ITGA9: variants seen among roughly 807,000 people sequenced by gnomAD.
ITGA9 encodes integrin alpha-9.
Under a neutral mutation model 127.8 loss-of-function variants are expected in ITGA9, and 56 were observed. The observed-to-expected ratio is 0.44, with a 90% confidence interval of 0.35 to 0.55. The LOEUF (loss-of-function observed/expected upper bound fraction) is 0.55, where lower values mean the gene tolerates loss of function less well. Ranked by LOEUF, ITGA9 falls within the 20% of genes least tolerant of loss-of-function variation. The pLI is 0.00. For synonymous variants in ITGA9, 508 were observed against 514.5 expected (o/e 0.99, Z 0.17); for missense variants, 1,196 against 1,347.1 (o/e 0.89, Z 1.76).
Position 37,653,717 on chromosome 3 carries a change from G to C in ITGA9, c.1843G>C (p.Val615Leu), listed in dbSNP as rs765049517. The C allele has an allele frequency of 5.0e-6, 8 of 1,612,972 alleles. No individual in the cohort carries two copies. Among genetic ancestry groups the C allele is most frequent in the Middle Eastern group, 1.7e-4 (1 of 6,058 alleles). ...GQKIAQKNQT[V>L]FERNCRSEDC... is the part of the protein sequence containing the mutation. ...TCCTCTCCTGTCTTTCTCACAGACT[G>C]TTTTTGAAAGGAATTGCCGTTCAGA... The change falls in exon 17 of 28, where the codon GTT becomes CTT. Residue 615 changes from valine (V) to leucine (L), a missense_variant. By Grantham distance (32) the Val-to-Leu change is conservative (BLOSUM62 1). Coordinates refer to ENST00000264741, the MANE Select transcript of ITGA9 (RefSeq NM_002207.3).
At chr3:37,663,359 G>A (rs541858445) in intron 17 of ITGA9, among the ~76,000 whole-genome samples, 24 of 152,140 alleles carry the variant, frequency 1.6e-4, no homozygotes, top group Non-Finnish European at 3.1e-4. Flanking sequence ...AGCCAACTCC[G>A]ATAAAATAAG....
At chr3:37,810,762 A>G (rs1010293063) in intron 27 of ITGA9, among the ~76,000 whole-genome samples, 17 of 152,354 alleles carry the variant, frequency 1.1e-4, no homozygotes, top group African/African-American at 3.6e-4. Flanking sequence ...TAGGAAAATC[A>G]GCTTCAGCAA....
chr3:37,667,053 A>G (rs1700592680), intron 17 of ITGA9, among the ~76,000 whole-genome samples: 1 of 152,024 alleles, frequency 6.6e-6, no homozygotes, highest in Non-Finnish European at 1.5e-5. Flanking sequence ...GGCAGCTGAA[A>G]GTCAGCAAAA....
chr3:37,705,909 G>A (rs980731100), intron 18 of ITGA9, among the ~76,000 whole-genome samples: 1 of 152,162 alleles, frequency 6.6e-6, no homozygotes, highest in Admixed American at 6.5e-5. Flanking sequence ...CCTCCCATTT[G>A]TTCATCTGGA....
intron 20 of ITGA9, among the ~76,000 whole-genome samples, chr3:37,738,618 G>A (rs1353507943): frequency 2.0e-5 from 3 of 152,192 alleles, no homozygotes; most frequent in Admixed American, 6.5e-5. Context: ...TTTGATAAGG[G>A]GCGGCAGATG....
At chr3:37,783,138 CA>C (rs760956262) in intron 25 of ITGA9, among the ~76,000 whole-genome samples, 153 of 140,578 alleles carry the variant, frequency 1.1e-3, no homozygotes, top group African/African-American at 2.0e-3. Context: ...GACTCTGTCT[CA>C]AAAAAAAAAA....
Position 37,794,566 on chromosome 3 carries a change from G to A in ITGA9, c.2890-9257G>A, listed in dbSNP as rs555183752. On this transcript the variant is annotated intron_variant, in intron 26 of 27. Coordinates refer to ENST00000264741, the MANE Select transcript of ITGA9 (RefSeq NM_002207.3). ...GTCAAGGGGAGAATGAAGACTCCTC[G>A]GGATTCTCCATCGCTTGAGGTAAAT... Among the ~76,000 whole-genome samples the A allele has an allele frequency of 2.0e-4, 30 of 152,290 alleles. No individual in the cohort carries two copies. The South Asian group carries it at 5.8e-3, about 29-fold the overall frequency.
intron 15 of ITGA9, among the ~76,000 whole-genome samples, chr3:37,567,354 A>G (rs895875181): frequency 1.6e-4 from 24 of 152,212 alleles, no homozygotes; most frequent in Non-Finnish European, 3.2e-4. Context: ...CCCTCCCATG[A>G]CAGTGAGAAT....
intron 24 of ITGA9, among the ~76,000 whole-genome samples, chr3:37,778,805 TATC>T (rs1308112148): frequency 1.3e-5 from 2 of 151,852 alleles, no homozygotes; most frequent in African/African-American, 4.8e-5. Context: ...ATCTCACCTT[TATC>T]ATTTCCTTTC....
At chr3:37,514,696 A>G (rs993837735) in intron 9 of ITGA9, among the ~76,000 whole-genome samples, 3 of 152,196 alleles carry the variant, frequency 2.0e-5, no homozygotes, top group South Asian at 4.1e-4. Context: ...CAGCCTCCCC[A>G]GTAACTGGGA....
chr3:37,482,229 G>A lies in ITGA9; in HGVS notation c.544+622G>A, dbSNP rs556622865. Among the ~76,000 whole-genome samples, 12 of 152,352 alleles carry A rather than the reference G, an allele frequency of 7.9e-5. No individual in the cohort carries two copies. The East Asian group carries it at 2.3e-3, about 29-fold the overall frequency. On this transcript the variant is annotated intron_variant, in intron 4 of 27. Coordinates refer to ENST00000264741, the MANE Select transcript of ITGA9 (RefSeq NM_002207.3). ...ACTTTCCTTCCCATGTGGTCCTGCA[G>A]CCCAGGCAGATGCTGGAGAATTGGG...
Position 37,732,746 on chromosome 3 carries a change from C to T in ITGA9, c.2102C>T (p.Ser701Leu), listed in dbSNP as rs768030201. The T allele has an allele frequency of 1.2e-5, 19 of 1,611,246 alleles. No homozygotes were observed. The highest frequency in any genetic ancestry group is 1.4e-5 in the Non-Finnish European group (17 of 1,179,314). Residue 701 changes from serine to leucine, a missense_variant, in exon 19 of 28, where the codon TCG (serine) becomes TTG (leucine). Physicochemically the swap from Ser to Leu is moderately radical, Grantham distance 145 (BLOSUM62 -2). Coordinates refer to ENST00000264741, the MANE Select transcript of ITGA9 (RefSeq NM_002207.3). ...GGCATCTCCTGTGAGCTGCTGGAAT[C>T]GGACTTCCTCAAATGCAGCGTGGGA... is the stretch of plus-strand genomic sequence containing the variant. Reference protein sequence around the residue: ...EMGISCELLESDFLKCSVGFP... With the variant: ...EMGISCELLELDFLKCSVGFP...
chr3:37,769,553 A>G (rs1283429151), intron 23 of ITGA9, among the ~76,000 whole-genome samples: 1 of 151,988 alleles, frequency 6.6e-6, no homozygotes, highest in African/African-American at 2.4e-5. Context: ...GTCCAGGCCC[A>G]TCTCCCCTGC....
chr3:37,623,577 T>C (rs1700146636), intron 15 of ITGA9, among the ~76,000 whole-genome samples: 1 of 152,204 alleles, frequency 6.6e-6, no homozygotes, highest in South Asian at 2.1e-4. Context: ...TGATAGTTAG[T>C]TCCCTGATAA....
At chr3:37,493,265 G>A (rs540710717) in intron 4 of ITGA9, among the ~76,000 whole-genome samples, 1 of 152,178 alleles carries the variant, frequency 6.6e-6, no homozygotes, top group African/African-American at 2.4e-5. Flanking sequence ...CACTCAGAAC[G>A]GCAGGAAGTG....
At chr3:37,473,032 G>T (rs145724913) in intron 2 of ITGA9, among the ~76,000 whole-genome samples, 2,012 of 150,656 alleles carry the variant, frequency 0.013, 45 homozygotes, top group African/African-American at 0.046. Context: ...CCAGCTACTT[G>T]GGAGGCTGAG....
chr3:37,477,381 C>T (rs964995022), intron 3 of ITGA9, among the ~76,000 whole-genome samples: 4 of 152,050 alleles, frequency 2.6e-5, no homozygotes, highest in African/African-American at 4.8e-5. Flanking sequence ...TGCAATGGGG[C>T]GTGAAATGTC....
intron 8 of ITGA9, 88 bp from the exon 9 acceptor site, chr3:37,513,675 T>C: frequency 5.2e-6 from 8 of 1,549,292 alleles, no homozygotes; most frequent in Non-Finnish European, 7.1e-6. Flanking sequence ...GAGGGATGTT[T>C]CTAAAGCCAA....
chr3:37,652,621 A>C (rs535008187), intron 16 of ITGA9, among the ~76,000 whole-genome samples: 16 of 152,230 alleles, frequency 1.1e-4, no homozygotes, highest in African/African-American at 3.9e-4. Flanking sequence ...CCACACTGAC[A>C]CTCTGAGGTG....
Sources: allele counts gnomAD v4.1 joint callset (sites outside exome capture counted in the v4.1 genomes callset), GRCh38; gene constraint gnomAD v4.1.1; transcripts MANE v1.5; gene names NCBI Gene and HGNC (gene_info 2026-07-23, HGNC 2026-07-21).